The following CLASP1 variants were observed in gnomAD, a reference collection of about 807,000 sequenced individuals.
CLASP1 encodes the protein CLIP-associating protein 1.
CLASP1 carries 38 observed loss-of-function variants against 192.3 expected under a neutral mutation model. That is an observed-to-expected ratio of 0.20 (90% confidence interval 0.15 to 0.26). The LOEUF (loss-of-function observed/expected upper bound fraction) is 0.26, where lower values mean the gene tolerates loss of function less well. CLASP1 is among the 10% of genes least tolerant of loss of function. CLASP1 has a pLI of 1.00. For missense variants in CLASP1, 1,433 were observed against 1,932.5 expected, an observed-to-expected ratio of 0.74 and a Z score of 4.85; for synonymous variants, 691 against 712.8, an observed-to-expected ratio of 0.97 and a Z score of 0.49.
intron 8 of CLASP1, among the ~76,000 whole-genome samples, chr2:121,478,836 ACCACACACACACCACACAC>A (rs2092155840): frequency 1.8e-5 from 1 of 54,718 alleles, no homozygotes; most frequent in African/African-American, 7.3e-5. Context: ...CACACCACAC[ACCACACACACACCACACAC>A]CACACCACAC....
rs1047388102 is a variant in CLASP1 at position 121,362,568 on chromosome 2, G to C, written c.4206+604C>G. Among the ~76,000 whole-genome samples, 4 of 152,246 alleles carry C rather than the reference G, an allele frequency of 2.6e-5. No homozygotes were observed. The East Asian group carries it at 7.7e-4, about 29-fold the overall frequency. On this transcript the variant is annotated intron_variant, in intron 37 of 39. Coordinates refer to ENST00000263710, the Ensembl canonical transcript of CLASP1. The stretch of plus-strand genomic sequence containing the variant: ...TGCCACCACTCAGCCTCATCTTGCA[G>C]AGAGAAGCACACTGAACGGCTGGGA...
chr2:121,486,172 T>C (rs1490242695), intron 8 of CLASP1, among the ~76,000 whole-genome samples: 3 of 152,218 alleles, frequency 2.0e-5, no homozygotes, highest in African/African-American at 4.8e-5. Context: ...ACAAGCTTCT[T>C]CCTGGTAATA....
chr2:121,494,019 C>T (rs2093429214), intron 8 of CLASP1, among the ~76,000 whole-genome samples: 1 of 152,146 alleles, frequency 6.6e-6, no homozygotes, highest in African/African-American at 2.4e-5. Flanking sequence ...ATTAGTACAG[C>T]CACTACAGAA....
At position 121,419,051 on chromosome 2, in the gene CLASP1, C is replaced by T. The variant is rs1017074980; in HGVS notation, c.2213-322G>A. On this transcript the variant is annotated intron_variant, in intron 22 of 39. Transcript: ENST00000263710. ...TCATCAGAAAATACAAGATCAAAAG[C>T]CTTTTAGAAACGATCAGTTTTTATG... Among the ~76,000 whole-genome samples the T allele has an allele frequency of 5.9e-5, 9 of 152,130 alleles. No homozygotes were observed. In the East Asian group the frequency reaches 1.5e-3, roughly 26 times the overall value.
intron 1 of CLASP1, among the ~76,000 whole-genome samples, chr2:121,627,651 T>C (rs753125988): frequency 2.6e-5 from 4 of 152,220 alleles, no homozygotes; most frequent in Non-Finnish European, 4.4e-5. Context: ...ATGTTTACCT[T>C]GCTTAGGCAA....
chr2:121,377,543 G>A (rs1238382229), exon 34 of CLASP1: 1 of 1,603,580 alleles, frequency 6.2e-7, no homozygotes, highest in Non-Finnish European at 8.5e-7. Flanking sequence ...GGCTCATTCA[G>A]ATCTTCTTGG....
chr2:121,404,399 G>A, exon 26 of CLASP1: 1 of 1,612,508 alleles, frequency 6.2e-7, no homozygotes, highest in Non-Finnish European at 8.5e-7. Flanking sequence ...AAACATCCGA[G>A]TGAAGATCTC....
At chr2:121,610,642 C>A (rs1457464591) in intron 1 of CLASP1, among the ~76,000 whole-genome samples, 1 of 62,352 alleles carries the variant, frequency 1.6e-5, no homozygotes, top group Admixed American at 1.7e-4. Context: ...GGAGGAGTTA[C>A]AGGAGGAAGA....
intron 19 of CLASP1, among the ~76,000 whole-genome samples, chr2:121,443,158 C>T (rs950255683): frequency 3.3e-5 from 5 of 151,964 alleles, no homozygotes; most frequent in Non-Finnish European, 5.9e-5. Context: ...TCTCTATTGT[C>T]GGAGTCTGAG....
At chr2:121,531,121 C>CAAGT (rs1189006599) in intron 2 of CLASP1, 3 of 627,790 alleles carry the variant, frequency 4.8e-6, no homozygotes, top group Non-Finnish European at 8.8e-6. Flanking sequence ...TTTAGTGTCG[C>CAAGT]AAGTAAAGTT....
In CLASP1 at chr2:121,629,557, G is replaced by A. The variant is rs192371178; in HGVS notation, c.-286+19815C>T. Among the ~76,000 whole-genome samples the A allele has an allele frequency of 6.5e-3, 983 of 152,100 alleles. 13 individuals carry two copies. The highest frequency in any genetic ancestry group is 0.022 in the African/African-American group (925 of 41,508). Reference sequence around the variant, plus strand: ...GGTAATCCCAGCACTTTGGGAGGCCGAAGCCAGTGGATCACCTGAGGTCAG... The same window carrying A: ...GGTAATCCCAGCACTTTGGGAGGCCAAAGCCAGTGGATCACCTGAGGTCAG... On this transcript the variant is annotated intron_variant, in intron 1 of 39. Transcript: ENST00000263710.
Position 121,350,916 on chromosome 2 carries a change from G to C in CLASP1, c.4207-2198C>G, listed in dbSNP as rs537937587. On this transcript the variant is annotated intron_variant, in intron 37 of 39. Transcript: ENST00000263710. ...GAAAAATTGCAATGAACATTAGGCT[G>C]GTGCAAAATTAGTTGCAGTTTTTAC... Among the ~76,000 whole-genome samples, 15 of 152,288 alleles carry C rather than the reference G, an allele frequency of 9.8e-5. No homozygotes were observed. In the East Asian group the frequency reaches 2.9e-3, roughly 29 times the overall value.
chr2:121,402,300 A>G (rs1474245461), intron 26 of CLASP1, among the ~76,000 whole-genome samples: 1 of 152,210 alleles, frequency 6.6e-6, no homozygotes, highest in Non-Finnish European at 1.5e-5. Flanking sequence ...TATTAACATA[A>G]TCATCATGCT....
At chr2:121,507,348 A>C (rs768344160) in intron 7 of CLASP1, among the ~76,000 whole-genome samples, 9 of 152,200 alleles carry the variant, frequency 5.9e-5, no homozygotes, top group Non-Finnish European at 1.2e-4. Flanking sequence ...CTGAGACAAG[A>C]AGGAATCAAC....
At chr2:121,530,198 G>A (rs762417507) in intron 3 of CLASP1, 49 bp downstream of exon 3, 2 of 1,487,010 alleles carry the variant, frequency 1.3e-6, no homozygotes, top group East Asian at 2.5e-5. Context: ...CCGAGGGAAG[G>A]CTGGGGGTCT....
chr2:121,434,838 AT>A (rs1178218296), intron 19 of CLASP1, among the ~76,000 whole-genome samples: 1 of 151,966 alleles, frequency 6.6e-6, no homozygotes. Flanking sequence ...AAATGCAAAA[AT>A]TACCTGGGCG....
At chr2:121,447,927 C>G (rs567677170) in intron 18 of CLASP1, among the ~76,000 whole-genome samples, 33 of 152,342 alleles carry the variant, frequency 2.2e-4, no homozygotes, top group African/African-American at 7.5e-4. Flanking sequence ...CACCATCACA[C>G]TGCTGCAGCT....
rs138235823 is a variant in CLASP1, at chr2:121,450,402, T to C, written c.1523+511A>G. ...GGCCACATAATTGGAGGAAACTCAG[T>C]CCTAATGGCAAAAGTACCTCACTTG... On this transcript the variant is annotated intron_variant, in intron 16 of 39. Coordinates refer to ENST00000263710, the Ensembl canonical transcript of CLASP1. Among the ~76,000 whole-genome samples, 427 of 152,072 alleles carry C rather than the reference T, an allele frequency of 2.8e-3. 3 individuals carry two copies. The highest frequency in any genetic ancestry group is 4.9e-3 in the Non-Finnish European group (335 of 67,986).
At chr2:121,584,939 TCA>T (rs929317524) in intron 2 of CLASP1, among the ~76,000 whole-genome samples, 1 of 152,174 alleles carries the variant, frequency 6.6e-6, no homozygotes, top group African/African-American at 2.4e-5. Context: ...AAGAAGGCTA[TCA>T]CACTGGATGC....
Sources: gnomAD v4.1 joint callset for allele counts (sites outside exome capture counted in the v4.1 genomes callset) on GRCh38, gnomAD v4.1.1 for gene constraint, MANE v1.5 for transcripts, NCBI Gene and HGNC (gene_info 2026-07-23, HGNC 2026-07-21) for gene names.